The following CDH12 variants were observed in gnomAD, a reference collection of about 807,000 sequenced individuals.
The protein encoded by CDH12 is cadherin 12.
CDH12 carries 41 observed loss-of-function variants against 74.1 expected under a neutral mutation model. The observed-to-expected ratio is 0.55, with a 90% CI of 0.43 to 0.72. The LOEUF (loss-of-function observed/expected upper bound fraction) is 0.72, where lower values mean the gene tolerates loss of function less well. Among genes scored for constraint, CDH12 ranks in the 30% least tolerant of loss-of-function variants. The pLI, the probability that CDH12 is intolerant of heterozygous loss-of-function variation, is 0.00. For missense variants in CDH12, 945 were observed against 977.2 expected (o/e 0.97, Z 0.44); for synonymous variants, 399 against 355.0 (o/e 1.12, Z -1.39).
At chr5:21,765,908 A>G (rs767499285) in intron 11 of CDH12, among the ~76,000 whole-genome samples, 2 of 152,040 alleles carry the variant, frequency 1.3e-5, no homozygotes, top group Admixed American at 6.6e-5. Context: ...TTACCTTATG[A>G]AGTGTTGCAG....
At position 21,762,698 on chromosome 5, in the gene CDH12, A is replaced by T. The variant is rs554388601; in HGVS notation, c.1516-2023T>A. Among the ~76,000 whole-genome samples, 12 of 152,256 alleles carry T rather than the reference A, an allele frequency of 7.9e-5. No individual in the cohort carries two copies. The East Asian group carries it at 2.3e-3, about 29-fold the overall frequency. Reference sequence around the variant, plus strand: ...GTTTATTCAGATATGAAAAAATAACATTGATTTCAACTAATTTCCTTTTCT... The same window carrying T: ...GTTTATTCAGATATGAAAAAATAACTTTGATTTCAACTAATTTCCTTTTCT... On this transcript the variant is annotated intron_variant, in intron 12 of 14. Transcript: ENST00000382254.
At chr5:22,353,552 T>C (rs1740439637) in intron 3 of CDH12, among the ~76,000 whole-genome samples, 2 of 152,152 alleles carry the variant, frequency 1.3e-5, no homozygotes, top group Non-Finnish European at 2.9e-5. Flanking sequence ...TTTAATTAAA[T>C]AGTTTATTAT....
intron 2 of CDH12, among the ~76,000 whole-genome samples, chr5:22,484,399 C>A (rs1746504340): frequency 1.3e-5 from 2 of 152,144 alleles, no homozygotes; most frequent in Admixed American, 1.3e-4. Context: ...CAGCTTTAGA[C>A]ATACTTGGAT....
intron 1 of CDH12, among the ~76,000 whole-genome samples, chr5:22,839,930 A>G (rs552851806): frequency 6.6e-6 from 1 of 152,210 alleles, no homozygotes; most frequent in Non-Finnish European, 1.5e-5. Context: ...TTTATAAACA[A>G]TAAGTTAAAA....
At chr5:22,637,309 T>C (rs58577163) in intron 1 of CDH12, among the ~76,000 whole-genome samples, 45,322 of 152,068 alleles carry the variant, frequency 0.3, 7,670 homozygotes, top group Admixed American at 0.46. Context: ...AGTTATACCC[T>C]ATGGAAAACA....
Position 22,232,935 on chromosome 5 carries a change from C to A in CDH12, c.-332-20292G>T, listed in dbSNP as rs138136338. 2.7e-5 allele frequency among the ~76,000 whole-genome samples: 4 copies of A among 146,732 alleles called. No individual in the cohort carries two copies. In the East Asian group the frequency reaches 8.0e-4, roughly 29 times the overall value. On this transcript the variant is annotated intron_variant, in intron 3 of 14. Transcript: ENST00000382254. ...TCTCTCTCATTGGATTGCTTTTGTGCCTTTGTAGAGAATCGAATAACCATA... is the reference window on the plus strand; with the variant it reads ...TCTCTCTCATTGGATTGCTTTTGTGACTTTGTAGAGAATCGAATAACCATA...
At chr5:22,028,649 G>A (rs921406978) in intron 5 of CDH12, among the ~76,000 whole-genome samples, 5 of 152,092 alleles carry the variant, frequency 3.3e-5, no homozygotes, top group Admixed American at 6.6e-5. Flanking sequence ...ATGCTCATGG[G>A]TAGGAAGAAT....
At chr5:22,317,431 T>C (rs890993255) in intron 3 of CDH12, among the ~76,000 whole-genome samples, 2 of 152,258 alleles carry the variant, frequency 1.3e-5, no homozygotes, top group South Asian at 2.1e-4. Context: ...TAAACACTCA[T>C]ATATATACAT....
At chr5:22,795,623 T>A (rs1748157211) in intron 1 of CDH12, among the ~76,000 whole-genome samples, 1 of 151,256 alleles carries the variant, frequency 6.6e-6, no homozygotes, top group Non-Finnish European at 1.5e-5. Flanking sequence ...ACACATCTCA[T>A]CTTGGCTCTG....
At chr5:22,147,409 C>T (rs1281156075) in intron 4 of CDH12, among the ~76,000 whole-genome samples, 2 of 152,004 alleles carry the variant, frequency 1.3e-5, no homozygotes, top group Admixed American at 6.6e-5. Context: ...ACAGAAGTCA[C>T]ATTTTCTCTA....
chr5:22,623,057 A>G (rs1738063943), intron 1 of CDH12, among the ~76,000 whole-genome samples: 1 of 152,246 alleles, frequency 6.6e-6, no homozygotes, highest in Non-Finnish European at 1.5e-5. Flanking sequence ...AAACAGAACC[A>G]AAGACAAAAA....
chr5:22,213,096 G>A (rs1751634805), intron 3 of CDH12, among the ~76,000 whole-genome samples: 3 of 152,176 alleles, frequency 2.0e-5, no homozygotes, highest in Admixed American at 2.0e-4. Context: ...CAAGCTTAAA[G>A]CTGAAAAATG....
At chr5:22,323,575 G>A (rs776786690) in intron 3 of CDH12, among the ~76,000 whole-genome samples, 5 of 152,016 alleles carry the variant, frequency 3.3e-5, no homozygotes, top group East Asian at 1.9e-4. Context: ...AAATAATGAC[G>A]TAAAGGCTCA....
chr5:22,729,163 G>T (rs145500955), intron 1 of CDH12, among the ~76,000 whole-genome samples: 26 of 151,840 alleles, frequency 1.7e-4, no homozygotes, highest in African/African-American at 5.8e-4. Context: ...AGAAATCAAG[G>T]CAGATCATGG....
intron 1 of CDH12, among the ~76,000 whole-genome samples, chr5:22,806,553 A>G (rs867114505): frequency 4.0e-5 from 6 of 151,812 alleles, no homozygotes; most frequent in Non-Finnish European, 7.4e-5. Flanking sequence ...ACGGGGTTTC[A>G]CCGTGTTAGC....
At chr5:22,629,405 G>A (rs533791663) in intron 1 of CDH12, among the ~76,000 whole-genome samples, 4 of 151,790 alleles carry the variant, frequency 2.6e-5, no homozygotes, top group East Asian at 3.9e-4. Flanking sequence ...CATCAAAATC[G>A]AATCCACCTA....
rs148130264 is a variant in CDH12, at chr5:22,084,145, G to A, written c.-186-5283C>T. Among the ~76,000 whole-genome samples, 829 of 152,140 alleles carry A rather than the reference G, an allele frequency of 5.4e-3. 5 individuals carry two copies. The highest frequency in any genetic ancestry group is 0.019 in the African/African-American group (790 of 41,520). On this transcript the variant is annotated intron_variant, in intron 4 of 14. Transcript: ENST00000382254. ...GAAAGTGCTCCAACAGCCCATCAAG[G>A]CACTAAACAGGTCACCAGGTTGAGT...
chr5:21,963,376 C>A (rs947120467), intron 6 of CDH12, among the ~76,000 whole-genome samples: 1 of 152,038 alleles, frequency 6.6e-6, no homozygotes, highest in African/African-American at 2.4e-5. Flanking sequence ...AGCAGACAAC[C>A]TACAAAATGA....
intron 2 of CDH12, among the ~76,000 whole-genome samples, chr5:22,489,055 C>CTTTTTTTTTTTTTTTTTTTTT (rs1561442373): frequency 6.4e-5 from 1 of 15,716 alleles, no homozygotes; most frequent in Non-Finnish European, 1.4e-4. Context: ...TTTGGTACCA[C>CTTTTTTTTTTTTTTTTTTTTT]CTTTTTTTTT....
Sources: gnomAD v4.1 joint callset for allele counts (sites outside exome capture counted in the v4.1 genomes callset) on GRCh38, gnomAD v4.1.1 for gene constraint, MANE v1.5 for transcripts, NCBI Gene and HGNC (gene_info 2026-07-23, HGNC 2026-07-21) for gene names.